Variants in SCFD2 observed in about 807,000 individuals in gnomAD.
SCFD2 encodes the protein sec1 family domain containing 2.
A neutral mutation model predicts 58.9 loss-of-function variants in SCFD2; 54 were observed. The ratio of observed to expected loss-of-function variants is 0.92; its 90% CI spans 0.74 to 1.15. The LOEUF is 1.15. Among genes scored for constraint, SCFD2 ranks in the 50% most tolerant of loss-of-function variants. SCFD2 has a pLI of 0.00. For synonymous variants in SCFD2, 321 were observed against 335.9 expected (o/e 0.96, Z 0.49); for missense variants, 805 against 836.6 (o/e 0.96, Z 0.47).
intron 4 of SCFD2, among the ~76,000 whole-genome samples, chr4:53,226,596 G>C (rs192211998): frequency 8.5e-5 from 13 of 152,096 alleles, no homozygotes; most frequent in Non-Finnish European, 2.9e-5. Context: ...TAATGAACAC[G>C]TACTATCTGC....
At chr4:53,183,051 G>A (rs1292039400) in intron 4 of SCFD2, among the ~76,000 whole-genome samples, 1 of 152,186 alleles carries the variant, frequency 6.6e-6, no homozygotes, top group Non-Finnish European at 1.5e-5. Context: ...TACACTGTTG[G>A]TGAGCCTGTA....
intron 1 of SCFD2, among the ~76,000 whole-genome samples, chr4:53,362,739 G>A (rs557976102): frequency 1.2e-4 from 19 of 152,042 alleles, no homozygotes; most frequent in Admixed American, 5.2e-4. Flanking sequence ...GACAGAAGAT[G>A]TTCCCTGGGT....
At chr4:53,018,898 C>A (rs1280911672) in intron 5 of SCFD2, among the ~76,000 whole-genome samples, 1 of 152,174 alleles carries the variant, frequency 6.6e-6, no homozygotes, top group African/African-American at 2.4e-5. Context: ...AGTGTATACT[C>A]AAGATGGCCA....
chr4:52,938,754 T>A (rs1278476000), intron 5 of SCFD2, among the ~76,000 whole-genome samples: 1 of 152,212 alleles, frequency 6.6e-6, no homozygotes, highest in Non-Finnish European at 1.5e-5. Flanking sequence ...CAATCTTCAC[T>A]CTCAATCTAG....
chr4:52,934,268 C>A (rs1720072384), intron 5 of SCFD2, among the ~76,000 whole-genome samples: 1 of 152,168 alleles, frequency 6.6e-6, no homozygotes, highest in Non-Finnish European at 1.5e-5. Flanking sequence ...TGTTCAGGAC[C>A]AGCCTTAATG....
chr4:53,248,256 C>A (rs550100787), intron 4 of SCFD2, among the ~76,000 whole-genome samples: 108 of 152,336 alleles, frequency 7.1e-4, no homozygotes, highest in African/African-American at 2.4e-3. Flanking sequence ...TATCCCGCAC[C>A]TGGCTTGGAG....
chr4:52,987,251 C>A lies in SCFD2; in HGVS notation c.1562-66381G>T, dbSNP rs1450402517. On this transcript the variant is annotated intron_variant, in intron 5 of 8. Transcript: ENST00000401642. ...CACCGTGGTCACGATCTCCTGTCCTCGTGATCCGCCCGCCTCGGCCTCCCA... is the reference window on the plus strand; with the variant it reads ...CACCGTGGTCACGATCTCCTGTCCTAGTGATCCGCCCGCCTCGGCCTCCCA... Among the ~76,000 whole-genome samples the A allele has an allele frequency of 2.0e-5, 3 of 152,174 alleles. No individual in the cohort carries two copies. In the East Asian group the frequency reaches 5.8e-4, roughly 30 times the overall value.
intron 5 of SCFD2, among the ~76,000 whole-genome samples, chr4:52,940,086 C>T (rs140890114): frequency 2.7e-4 from 41 of 152,360 alleles, no homozygotes; most frequent in African/African-American, 8.9e-4. Context: ...CTAGTCTTCC[C>T]TGCTGGGCTA....
intron 4 of SCFD2, among the ~76,000 whole-genome samples, chr4:53,202,626 A>G (rs1030585105): frequency 1.1e-4 from 16 of 152,150 alleles, no homozygotes; most frequent in Admixed American, 8.5e-4. Flanking sequence ...CAGTATGGCC[A>G]TTTTCACGAT....
At chr4:53,302,636 T>C (rs1214092358) in intron 3 of SCFD2, among the ~76,000 whole-genome samples, 1 of 152,194 alleles carries the variant, frequency 6.6e-6, no homozygotes, top group Non-Finnish European at 1.5e-5. Context: ...AGAGCCTGCA[T>C]TGCCAAGTCA....
intron 5 of SCFD2, among the ~76,000 whole-genome samples, chr4:52,985,401 TTA>T (rs1721465983): frequency 6.6e-6 from 1 of 152,190 alleles, no homozygotes; most frequent in African/African-American, 2.4e-5. Context: ...TTAATTAGCA[TTA>T]TGTTTCATTC....
chr4:53,242,438 A>C (rs1729928439), intron 4 of SCFD2, among the ~76,000 whole-genome samples: 1 of 148,098 alleles, frequency 6.8e-6, no homozygotes, highest in South Asian at 2.2e-4. Flanking sequence ...CCAAAAATAA[A>C]CCCCCAAGGT....
At chr4:53,343,635 G>T (rs1380004810) in intron 2 of SCFD2, among the ~76,000 whole-genome samples, 3 of 152,070 alleles carry the variant, frequency 2.0e-5, no homozygotes, top group East Asian at 3.8e-4. Flanking sequence ...TTAAAGCCGG[G>T]CATAGACACA....
chr4:53,301,855 C>T (rs1217437378), intron 3 of SCFD2, among the ~76,000 whole-genome samples: 19 of 151,144 alleles, frequency 1.3e-4, no homozygotes, highest in Non-Finnish European at 2.2e-4. Flanking sequence ...AAAAACCACA[C>T]GACTATCTCA....
At chr4:52,943,440 T>C (rs1365003203) in intron 5 of SCFD2, among the ~76,000 whole-genome samples, 1 of 152,132 alleles carries the variant, frequency 6.6e-6, no homozygotes, top group Admixed American at 6.6e-5. Context: ...GGTGAGGGCC[T>C]TCTTGCTGCA....
At chr4:53,223,918 G>C (rs562403770) in intron 4 of SCFD2, among the ~76,000 whole-genome samples, 1 of 152,258 alleles carries the variant, frequency 6.6e-6, no homozygotes, top group Non-Finnish European at 1.5e-5. Context: ...GAAACACAAA[G>C]AAAATAAGAA....
At chr4:53,196,632 T>C (rs1216474391) in intron 4 of SCFD2, among the ~76,000 whole-genome samples, 11 of 152,106 alleles carry the variant, frequency 7.2e-5, no homozygotes, top group Admixed American at 3.9e-4. Flanking sequence ...ACTGCTGACT[T>C]TAACAATGAT....
intron 5 of SCFD2, among the ~76,000 whole-genome samples, chr4:52,982,148 T>C (rs568615318): frequency 1.1e-4 from 17 of 152,258 alleles, no homozygotes; most frequent in African/African-American, 4.1e-4. Flanking sequence ...CATGTGGTTA[T>C]GGGAGGCTAG....
At position 53,296,374 on chromosome 4, in the gene SCFD2, A is replaced by G. The variant is rs142583143; in HGVS notation, c.1135+17262T>C. 6.9e-3 allele frequency among the ~76,000 whole-genome samples: 1,052 copies of G among 152,260 alleles called. 39 individuals are homozygous for G. Among genetic ancestry groups the G allele is most frequent in the Admixed American group, 0.062 (948 of 15,296 alleles). ...TCCTGGTTTAGTCTTGGGAGCGTGT[A>G]TGTGTCCAGGAATTTATCCATTTCT... On this transcript the variant is annotated intron_variant, in intron 3 of 8. Coordinates refer to ENST00000401642, the MANE Select transcript of SCFD2 (RefSeq NM_152540.4).
Sources: allele counts gnomAD v4.1 joint callset (sites outside exome capture counted in the v4.1 genomes callset), GRCh38; gene constraint gnomAD v4.1.1; transcripts MANE v1.5; gene names NCBI Gene and HGNC (gene_info 2026-07-23, HGNC 2026-07-21).